Variants in ESR1 observed in about 807,000 individuals in gnomAD.
ESR1 encodes the protein estrogen receptor.
In ESR1, 12 loss-of-function variants were observed where a neutral mutation model predicts 52.7. The ratio of observed to expected loss-of-function variants is 0.23; its 90% confidence interval spans 0.15 to 0.37. ESR1 has a LOEUF of 0.37. Among genes scored for constraint, ESR1 ranks in the 10% least tolerant of loss-of-function variants. The pLI is 1.00. For missense variants in ESR1, 584 were observed against 779.7 expected (o/e 0.75, Z 2.99); for synonymous variants, 305 against 316.8 (o/e 0.96, Z 0.39).
chr6:151,883,734 G>T (rs1178328694), intron 3 of ESR1, among the ~76,000 whole-genome samples: 1 of 152,070 alleles, frequency 6.6e-6, no homozygotes, highest in Non-Finnish European at 1.5e-5. Flanking sequence ...TTGCCTCATA[G>T]CTCTGGAGGC....
chr6:151,991,013 C>T (rs2040960412), intron 4 of ESR1, among the ~76,000 whole-genome samples: 1 of 152,104 alleles, frequency 6.6e-6, no homozygotes. Flanking sequence ...AGGAGAAAGT[C>T]TAGGAACCAT....
At chr6:152,060,644 A>G (rs1396935418) in intron 5 of ESR1, among the ~76,000 whole-genome samples, 1 of 152,222 alleles carries the variant, frequency 6.6e-6, no homozygotes, top group Non-Finnish European at 1.5e-5. Flanking sequence ...ATAGTAGCAG[A>G]TCAATATACG....
chr6:152,056,258 A>G (rs1297173925), intron 5 of ESR1, among the ~76,000 whole-genome samples: 3 of 152,208 alleles, frequency 2.0e-5, no homozygotes, highest in Admixed American at 2.0e-4. Context: ...GTAGCATTGA[A>G]GATAAAGAAG....
intron 5 of ESR1, among the ~76,000 whole-genome samples, chr6:152,031,682 C>A (rs1014189928): frequency 6.6e-6 from 1 of 152,100 alleles, no homozygotes. Context: ...CAGGACCAGA[C>A]GGATTCACAG....
At chr6:152,116,377 T>C (rs1436404696) in intron 6 of ESR1, among the ~76,000 whole-genome samples, 1 of 152,182 alleles carries the variant, frequency 6.6e-6, no homozygotes, top group East Asian at 1.9e-4. Flanking sequence ...GTGAGGATGA[T>C]GGCACAGGTA....
intron 2 of ESR1, among the ~76,000 whole-genome samples, chr6:151,765,309 A>G (rs1583184993): frequency 6.6e-6 from 1 of 152,240 alleles, no homozygotes; most frequent in African/African-American, 2.4e-5. Flanking sequence ...TGTTACAAGC[A>G]TACTTAAAAG....
chr6:151,809,163 G>A (rs1384886810), intron 1 of ESR1: 1 of 448,310 alleles, frequency 2.2e-6, no homozygotes, highest in Non-Finnish European at 4.8e-6. Context: ...CGGGGAGAAT[G>A]CCCCGGAGTG....
At chr6:151,953,055 G>T (rs77714417) in intron 4 of ESR1, among the ~76,000 whole-genome samples, 4 of 152,020 alleles carry the variant, frequency 2.6e-5, no homozygotes, top group African/African-American at 7.3e-5. Context: ...TGTGATGACC[G>T]CTTGGACTGA....
At chr6:151,929,014 A>G (rs1238021283) in intron 3 of ESR1, among the ~76,000 whole-genome samples, 1 of 152,180 alleles carries the variant, frequency 6.6e-6, no homozygotes, top group Non-Finnish European at 1.5e-5. Context: ...AGAACTTGAG[A>G]AGAATGTGTA....
chr6:152,060,891 C>G (rs905087328), intron 5 of ESR1, 100 bp from the exon 6 acceptor site: 2 of 925,966 alleles, frequency 2.2e-6, no homozygotes, highest in Non-Finnish European at 3.3e-6. Context: ...GATTTAGAAC[C>G]AGTGGATTTT....
chr6:152,005,179 C>A (rs1245559796), intron 4 of ESR1, among the ~76,000 whole-genome samples: 2 of 151,936 alleles, frequency 1.3e-5, no homozygotes, highest in African/African-American at 2.4e-5. Flanking sequence ...AAGACAGCTG[C>A]ATTCTGGACA....
rs188253543 is a variant in ESR1 at position 151,959,445 on chromosome 6, C to T, written c.1096+14937C>T. On this transcript the variant is annotated intron_variant, in intron 4 of 7. Coordinates refer to ENST00000206249, the MANE Select transcript of ESR1 (RefSeq NM_000125.4). Reference sequence around the variant, plus strand: ...AAAAAGTTTCTTAGGATAAACACAGCCTTTTTCCTTGTCTCTCCCTTGCCC... The same window carrying T: ...AAAAAGTTTCTTAGGATAAACACAGTCTTTTTCCTTGTCTCTCCCTTGCCC... Among the ~76,000 whole-genome samples, 734 of 152,304 alleles carry T rather than the reference C, an allele frequency of 4.8e-3. 6 individuals carry two copies. Among genetic ancestry groups the T allele is most frequent in the African/African-American group, 0.017 (704 of 41,562 alleles).
intron 2 of ESR1, among the ~76,000 whole-genome samples, chr6:151,790,680 G>C (rs902117136): frequency 6.6e-6 from 1 of 151,764 alleles, no homozygotes; most frequent in Non-Finnish European, 1.5e-5. Flanking sequence ...GGACTAAATA[G>C]CTCTGTTTTA....
intron 2 of ESR1, among the ~76,000 whole-genome samples, chr6:151,755,228 C>T (rs1784193533): frequency 6.8e-6 from 1 of 147,942 alleles, no homozygotes; most frequent in Admixed American, 6.6e-5. Context: ...AAAACAAAAA[C>T]CAAAACCAAA....
chr6:151,761,801 A>C (rs983354798), intron 2 of ESR1, among the ~76,000 whole-genome samples: 21 of 152,204 alleles, frequency 1.4e-4, no homozygotes, highest in African/African-American at 5.1e-4. Flanking sequence ...GTGGTTCTCA[A>C]ACTCAAGTGA....
intron 3 of ESR1, among the ~76,000 whole-genome samples, chr6:151,892,980 G>C (rs939865493): frequency 6.6e-6 from 1 of 152,198 alleles, no homozygotes; most frequent in Non-Finnish European, 1.5e-5. Context: ...CTTGAGATCA[G>C]AAGTTCCAGA....
At chr6:152,086,746 C>A (rs1333172085) in intron 6 of ESR1, among the ~76,000 whole-genome samples, 1 of 151,998 alleles carries the variant, frequency 6.6e-6, no homozygotes, top group Non-Finnish European at 1.5e-5. Context: ...CTGCCATGTT[C>A]CCTTGCTGGG....
At position 151,900,975 on chromosome 6, in the gene ESR1, G is replaced by T. The variant is rs1643667299; in HGVS notation, c.760+20204G>T. Among the ~76,000 whole-genome samples, 2 of 152,216 alleles carry T rather than the reference G, an allele frequency of 1.3e-5. 1 individual carries two copies. The highest frequency in any genetic ancestry group is 4.1e-4 in the South Asian group (2 of 4,826). Reference sequence around the variant, plus strand: ...GCGTCAGCTGTGGTAGTATAGGGAGGATCAGGCAGTGGCCAGGGCCTTAGA... The same window carrying T: ...GCGTCAGCTGTGGTAGTATAGGGAGTATCAGGCAGTGGCCAGGGCCTTAGA... On this transcript the variant is annotated intron_variant, in intron 3 of 7. Transcript: ENST00000206249.
intron 4 of ESR1, among the ~76,000 whole-genome samples, chr6:151,956,093 A>G (rs2036878847): frequency 6.6e-6 from 1 of 152,152 alleles, no homozygotes; most frequent in Non-Finnish European, 1.5e-5. Flanking sequence ...TCCATGGTGT[A>G]TATGTACCAC....
Sources: allele counts gnomAD v4.1 joint callset (sites outside exome capture counted in the v4.1 genomes callset), GRCh38; gene constraint gnomAD v4.1.1; transcripts MANE v1.5; gene names NCBI Gene and HGNC (gene_info 2026-07-23, HGNC 2026-07-21).